RASSF8: variants seen among roughly 807,000 people sequenced by gnomAD.
RASSF8 encodes the protein Ras association domain family member 8, also known as ras association domain-containing protein 8.
RASSF8 carries 22 observed loss-of-function variants against 48.5 expected under a neutral mutation model. The observed-to-expected ratio is 0.45, with a 90% CI of 0.32 to 0.65. The LOEUF (loss-of-function observed/expected upper bound fraction) is 0.65. Ranked by LOEUF, RASSF8 falls within the 30% of genes least tolerant of loss-of-function variation. The probability of loss-of-function intolerance (pLI) is 0.03; values close to 1 mark genes in which losing one functional copy is unlikely to be tolerated. For missense variants in RASSF8, 418 were observed against 489.2 expected (o/e 0.85, Z 1.37); for synonymous variants, 127 against 171.5 (o/e 0.74, Z 2.03).
At chr12:26,050,161 G>C (rs1257451760) in intron 2 of RASSF8, among the ~76,000 whole-genome samples, 1 of 152,090 alleles carries the variant, frequency 6.6e-6, no homozygotes, top group Non-Finnish European at 1.5e-5. Flanking sequence ...TTTTATACTA[G>C]ATGTGACTGA....
At chr12:25,990,651 CA>C (rs1284826041) in intron 1 of RASSF8, among the ~76,000 whole-genome samples, 2 of 152,058 alleles carry the variant, frequency 1.3e-5, no homozygotes, top group Non-Finnish European at 2.9e-5. Flanking sequence ...TTGCGTTTAG[CA>C]AAACTGAATT....
In RASSF8 at chr12:26,072,789, T is replaced by C. The variant is rs1198261468; in HGVS notation, c.*3971T>C. The C allele has an allele frequency of 1.1e-6, 1 of 922,998 alleles. No individual in the cohort carries two copies. Among genetic ancestry groups the C allele is most frequent in the Non-Finnish European group, 1.3e-6 (1 of 773,364 alleles). The allele number at this position is 922,998 out of a possible 1,614,324, so 57.2% of individuals were successfully genotyped here. ...TGACTTTCATTTTAAATGTATATTT[T>C]CTGATCATTATGAGCTGTAAAACAA... On this transcript the variant is annotated 3_prime_UTR_variant, in exon 6 of 6. Transcript: ENST00000689635.
chr12:26,077,522 C>A (rs562609384), downstream of RASSF8, among the ~76,000 whole-genome samples: 49 of 152,250 alleles, frequency 3.2e-4, no homozygotes, highest in South Asian at 4.8e-3. Context: ...AATAGGGAAT[C>A]CTTTCCCCAT....
intron 1 of RASSF8, among the ~76,000 whole-genome samples, chr12:25,977,768 G>A (rs569017868): frequency 2.0e-5 from 3 of 152,172 alleles, no homozygotes; most frequent in Non-Finnish European, 4.4e-5. Flanking sequence ...AGAACAACAC[G>A]GTTGTAAGGC....
At chr12:26,007,196 T>A (rs1433838306) in intron 2 of RASSF8, among the ~76,000 whole-genome samples, 1 of 152,108 alleles carries the variant, frequency 6.6e-6, no homozygotes, top group African/African-American at 2.4e-5. Flanking sequence ...AACCTATTTA[T>A]GAAGAATCCG....
chr12:26,036,560 CTAA>C (rs765365249), intron 2 of RASSF8, among the ~76,000 whole-genome samples: 2 of 151,948 alleles, frequency 1.3e-5, no homozygotes, highest in African/African-American at 2.4e-5. Flanking sequence ...GACTTTGAGA[CTAA>C]TATTTAATAT....
intron 2 of RASSF8, among the ~76,000 whole-genome samples, chr12:26,038,053 C>A (rs978628457): frequency 3.3e-5 from 5 of 152,174 alleles, no homozygotes; most frequent in African/African-American, 1.2e-4. Flanking sequence ...CCTGTACACA[C>A]CCCCATCACA....
chr12:25,981,233 G>T (rs948663522), intron 1 of RASSF8, among the ~76,000 whole-genome samples: 3 of 152,124 alleles, frequency 2.0e-5, no homozygotes, highest in Non-Finnish European at 4.4e-5. Flanking sequence ...ATGACGTGGG[G>T]TTTTATTGGG....
chr12:26,011,636 G>A (rs543258461), intron 2 of RASSF8: 1 of 152,308 alleles, frequency 6.6e-6, no homozygotes, highest in East Asian at 1.9e-4. Flanking sequence ...GGGGAGTCAT[G>A]AAAGTAGGGC....
chr12:25,993,574 C>A (rs904083953), intron 1 of RASSF8, among the ~76,000 whole-genome samples: 2 of 152,140 alleles, frequency 1.3e-5, no homozygotes, highest in African/African-American at 4.8e-5. Flanking sequence ...TCTATTTAGC[C>A]TCTTCTCACT....
At chr12:25,959,309 G>A in intron 1 of RASSF8, 161 bp downstream of exon 1, 1 of 152,458 alleles carries the variant, frequency 6.6e-6, no homozygotes, top group Non-Finnish European at 1.5e-5. Flanking sequence ...GCGGGCTCCC[G>A]CTCCCTCTGC....
At chr12:26,008,593 T>C (rs142255743) in intron 2 of RASSF8, among the ~76,000 whole-genome samples, 5 of 152,360 alleles carry the variant, frequency 3.3e-5, no homozygotes, top group East Asian at 1.9e-4. Context: ...ATCTTTCTTA[T>C]GTTAAGAAGT....
chr12:26,041,138 C>A (rs1343515847), intron 2 of RASSF8, among the ~76,000 whole-genome samples: 2 of 152,000 alleles, frequency 1.3e-5, no homozygotes, highest in African/African-American at 4.8e-5. Flanking sequence ...ATGATCCTCC[C>A]ACCTCAGCCT....
At chr12:26,014,758 C>T (rs546967638) in intron 2 of RASSF8, among the ~76,000 whole-genome samples, 1 of 152,228 alleles carries the variant, frequency 6.6e-6, no homozygotes, top group Admixed American at 6.5e-5. Flanking sequence ...AACAAAAATG[C>T]TAATCCTTTG....
downstream of RASSF8, among the ~76,000 whole-genome samples, chr12:26,073,849 C>CACACACACACACATATAT (rs35014279): frequency 1.4e-5 from 2 of 144,112 alleles, no homozygotes; most frequent in African/African-American, 2.6e-5. Context: ...CACACACACA[C>CACACACACACACATATAT]ATATATATAT....
intron 1 of RASSF8, among the ~76,000 whole-genome samples, chr12:25,971,319 A>G (rs182120882): frequency 6.6e-4 from 101 of 152,270 alleles, no homozygotes; most frequent in African/African-American, 2.1e-3. Flanking sequence ...GTAGCCCTTG[A>G]TCTCCAAGTT....
chr12:25,977,708 C>T (rs1157525696), intron 1 of RASSF8, among the ~76,000 whole-genome samples: 1 of 151,640 alleles, frequency 6.6e-6, no homozygotes. Flanking sequence ...TACAAGTATA[C>T]TTTGATTTTG....
chr12:26,079,222 G>T, exon 6 of RASSF8: 1 of 530,516 alleles, frequency 1.9e-6, no homozygotes, highest in Non-Finnish European at 3.2e-6. Context: ...CCGTTATCTG[G>T]TAAGGGTTTA....
At chr12:26,052,143 T>C (rs1306173295) in intron 2 of RASSF8, among the ~76,000 whole-genome samples, 2 of 152,208 alleles carry the variant, frequency 1.3e-5, no homozygotes, top group Non-Finnish European at 2.9e-5. Flanking sequence ...CAAATAACCC[T>C]GAAAGCACCA....
Sources: gnomAD v4.1 joint callset for allele counts (sites outside exome capture counted in the v4.1 genomes callset) on GRCh38, gnomAD v4.1.1 for gene constraint, MANE v1.5 for transcripts, NCBI Gene and HGNC (gene_info 2026-07-23, HGNC 2026-07-21) for gene names.